ARID2: variants seen among roughly 807,000 people sequenced by gnomAD.
ARID2 encodes the protein AT-rich interaction domain 2, also known as AT-rich interactive domain-containing protein 2.
Under a neutral mutation model 184.6 loss-of-function variants are expected in ARID2, and 32 were observed. The ratio of observed to expected loss-of-function variants is 0.17; its 90% CI spans 0.13 to 0.23. The LOEUF is 0.23. Among genes scored for constraint, ARID2 ranks in the 10% least tolerant of loss-of-function variants. The probability of loss-of-function intolerance (pLI) is 1.00; values close to 1 mark genes in which losing one functional copy is unlikely to be tolerated. For missense variants in ARID2, 1,696 were observed against 2,197.6 expected (o/e 0.77, Z 4.56); for synonymous variants, 836 against 772.6 (o/e 1.08, Z -1.36).
At chr12:45,736,946 C>T (rs528012308) in intron 3 of ARID2, among the ~76,000 whole-genome samples, 43 of 152,258 alleles carry the variant, frequency 2.8e-4, no homozygotes, top group Non-Finnish European at 5.0e-4. Context: ...GTAACACCAT[C>T]GCCAAAACTG....
At chr12:45,826,125 G>A (rs1377780114) in intron 6 of ARID2, among the ~76,000 whole-genome samples, 1 of 151,974 alleles carries the variant, frequency 6.6e-6, no homozygotes, top group Non-Finnish European at 1.5e-5. Flanking sequence ...TAGTTGTCAT[G>A]TAGATTTGTT....
intron 3 of ARID2, among the ~76,000 whole-genome samples, chr12:45,742,276 G>A (rs1205163000): frequency 6.6e-6 from 1 of 152,148 alleles, no homozygotes; most frequent in East Asian, 1.9e-4. Flanking sequence ...TACCTTTTCT[G>A]TGTTTAGATA....
chr12:45,737,909 T>G (rs918745900), intron 3 of ARID2, among the ~76,000 whole-genome samples: 10 of 152,108 alleles, frequency 6.6e-5, no homozygotes, highest in Non-Finnish European at 1.5e-4. Flanking sequence ...GTCTCTGGAC[T>G]CTAGAGAAGG....
chr12:45,817,107 G>A (rs2138090990), intron 4 of ARID2, among the ~76,000 whole-genome samples: 1 of 152,330 alleles, frequency 6.6e-6, no homozygotes, highest in Non-Finnish European at 1.5e-5. Flanking sequence ...ATGTAATGCA[G>A]CACTTTGGGA....
chr12:45,732,767 T>C (rs780099623), intron 3 of ARID2, among the ~76,000 whole-genome samples: 2 of 152,302 alleles, frequency 1.3e-5, no homozygotes, highest in Non-Finnish European at 2.9e-5. Context: ...ATTTGTTAGA[T>C]TGATTGACTT....
chr12:45,765,352 A>G (rs1346552475), intron 3 of ARID2, among the ~76,000 whole-genome samples: 2 of 151,966 alleles, frequency 1.3e-5, no homozygotes, highest in Non-Finnish European at 2.9e-5. Context: ...GACTGCAGGC[A>G]CACGCCACCA....
At chr12:45,831,089 G>A (rs1943113025) in intron 6 of ARID2, among the ~76,000 whole-genome samples, 1 of 151,332 alleles carries the variant, frequency 6.6e-6, no homozygotes, top group East Asian at 1.9e-4. Flanking sequence ...TATAATTGAG[G>A]AAGATTAGAT....
intron 4 of ARID2, 25 bp from the exon 5 acceptor site, chr12:45,817,639 ATATACT>A: frequency 6.5e-7 from 1 of 1,537,908 alleles, no homozygotes; most frequent in Non-Finnish European, 8.8e-7. Context: ...CTGATCTTTG[ATATACT>A]TAAGGTATTT....
intron 16 of ARID2, among the ~76,000 whole-genome samples, chr12:45,882,559 T>C (rs1339768875): frequency 2.6e-5 from 4 of 152,358 alleles, no homozygotes; most frequent in African/African-American, 9.6e-5. Context: ...ATGTTACACA[T>C]AAAACTGCCA....
intron 18 of ARID2, among the ~76,000 whole-genome samples, chr12:45,892,573 TA>T (rs1001351532): frequency 6.6e-6 from 1 of 152,162 alleles, no homozygotes; most frequent in African/African-American, 2.4e-5. Flanking sequence ...AGAATTAGCT[TA>T]AAATAATTTA....
intron 16 of ARID2, among the ~76,000 whole-genome samples, chr12:45,869,784 G>A (rs996689039): frequency 2.6e-5 from 4 of 151,918 alleles, no homozygotes; most frequent in Non-Finnish European, 2.9e-5. Context: ...TAAGGAGGCT[G>A]AAGCAGGAGA....
rs1943545668 is a variant in ARID2, at chr12:45,851,332, C to T, written c.3209C>T (p.Pro1070Leu). ...IKQLLLPKRG[P>L]STPGGKLILP... Reference sequence around the variant, plus strand: ...CAGCTTCTGCTTCCGAAACGTGGTCCTTCAACACCAGGTGGTAAGCTTATT... The same window carrying T: ...CAGCTTCTGCTTCCGAAACGTGGTCTTTCAACACCAGGTGGTAAGCTTATT... Residue 1070 changes from proline to leucine, a missense_variant, in exon 15 of 21, where the codon CCT becomes CTT. Physicochemically the swap from Pro to Leu is moderately conservative, Grantham distance 98 (BLOSUM62 -3). Around this residue, in one of 11 missense-constraint regions of ARID2, gnomAD observed 713 missense variants for 824.4 expected, o/e 0.86. Coordinates refer to ENST00000334344, the MANE Select transcript of ARID2 (RefSeq NM_152641.4). 1 of 1,614,114 alleles carries T rather than the reference C, an allele frequency of 6.2e-7. No individual in the cohort carries two copies. The highest frequency in any genetic ancestry group is 8.5e-7 in the Non-Finnish European group (1 of 1,180,016).
Position 45,851,155 on chromosome 12 carries a change from G to GGCAGCAAAA in ARID2, c.3039_3040insAAGCAGCAA (p.Gln1013_Gln1014insLysGlnGln), listed in dbSNP as rs781764427. 16 of 1,613,988 alleles carry GGCAGCAAAA rather than the reference G, an allele frequency of 9.9e-6. No homozygotes were observed. The South Asian group carries it at 1.8e-4, about 18-fold the overall frequency. On this transcript the variant is annotated inframe_insertion, in exon 15 of 21. Coordinates refer to ENST00000334344, the MANE Select transcript of ARID2 (RefSeq NM_152641.4). ...GTCAGTCAAATGTTATCTGTGAAAA[G>GGCAGCAAAA]GCAGCAACAGCAGCAACATTCACCA...
intron 3 of ARID2, among the ~76,000 whole-genome samples, chr12:45,792,832 T>A (rs1942317739): frequency 6.6e-6 from 1 of 152,222 alleles, no homozygotes; most frequent in African/African-American, 2.4e-5. Context: ...AAGTGTGTTA[T>A]CTGATATTAA....
rs61741940 is a variant in ARID2 at position 45,852,465 on chromosome 12, C to T, written c.4342C>T (p.Leu1448Phe). Residue 1448 changes from leucine (L) to phenylalanine (F), a missense_variant, in exon 15 of 21, where the codon CTT (leucine) becomes TTT (phenylalanine). By Grantham distance (22) the Leu-to-Phe change is conservative (BLOSUM62 0). Transcript: ENST00000334344. ...ACAGCAATTTAGTGGTACTGATTTG[C>T]TTAATGGACCTCTAGCTTCAAGTTT... ...ATQQFSGTDLLNGPLASSLNS... is the reference protein window; with the variant it reads ...ATQQFSGTDLFNGPLASSLNS... The T allele has an allele frequency of 5.5e-4, 885 of 1,614,140 alleles. 2 individuals carry two copies. In the African/African-American group the frequency reaches 0.011, roughly 19 times the overall value.
At chr12:45,896,519 G>A (rs1207672688) in intron 20 of ARID2, among the ~76,000 whole-genome samples, 1 of 152,134 alleles carries the variant, frequency 6.6e-6, no homozygotes, top group African/African-American at 2.4e-5. Flanking sequence ...AAAAGGGAGT[G>A]TGCCTGCAAA....
At chr12:45,752,150 T>A (rs1370251527) in intron 3 of ARID2, among the ~76,000 whole-genome samples, 1 of 152,178 alleles carries the variant, frequency 6.6e-6, no homozygotes, top group African/African-American at 2.4e-5. Context: ...ATTTAGAAGA[T>A]CCATGGAGGG....
intron 3 of ARID2, among the ~76,000 whole-genome samples, chr12:45,760,370 A>G (rs771903274): frequency 1.2e-4 from 19 of 152,128 alleles, no homozygotes; most frequent in Admixed American, 2.6e-4. Flanking sequence ...TCAAAGTGGC[A>G]TTTTTCAAAT....
intron 7 of ARID2, 27 bp downstream of exon 7, chr12:45,836,682 A>G (rs2138125918): frequency 6.2e-7 from 1 of 1,602,356 alleles, no homozygotes; most frequent in East Asian, 2.2e-5. Context: ...AAAATTTTTC[A>G]AAACCTTTGA....
Sources: allele counts gnomAD v4.1 joint callset (sites outside exome capture counted in the v4.1 genomes callset), GRCh38; gene constraint gnomAD v4.1.1; regional missense constraint gnomAD v4.1.1; transcripts MANE v1.5; gene names NCBI Gene and HGNC (gene_info 2026-07-23, HGNC 2026-07-21).